The following PRKCH variants were observed in gnomAD, a reference collection of about 807,000 sequenced individuals.
The protein encoded by PRKCH is protein kinase C eta type.
In PRKCH, 28 loss-of-function variants were observed where a neutral mutation model predicts 82.5. That is an observed-to-expected ratio of 0.34 (90% CI 0.25 to 0.47). The LOEUF (loss-of-function observed/expected upper bound fraction) is 0.47, where lower values mean the gene tolerates loss of function less well. Ranked by LOEUF, PRKCH falls within the 20% of genes least tolerant of loss-of-function variation. PRKCH has a pLI of 1.00. For synonymous variants in PRKCH, 322 were observed against 327.4 expected (o/e 0.98, Z 0.18); for missense variants, 705 against 881.8 (o/e 0.80, Z 2.54).
At chr14:61,398,057 C>G (rs1349281880) in intron 2 of PRKCH, among the ~76,000 whole-genome samples, 1 of 152,168 alleles carries the variant, frequency 6.6e-6, no homozygotes, top group African/African-American at 2.4e-5. Context: ...GCAGAATTCC[C>G]CTAGGCACTG....
intron 1 of PRKCH, among the ~76,000 whole-genome samples, chr14:61,381,753 C>T (rs374343725): frequency 6.6e-6 from 1 of 152,234 alleles, no homozygotes; most frequent in East Asian, 1.9e-4. Context: ...GGCGAGAGCA[C>T]CCTCAGGTGC....
chr14:61,424,494 T>C (rs1234489863), intron 2 of PRKCH, among the ~76,000 whole-genome samples: 1 of 152,234 alleles, frequency 6.6e-6, no homozygotes, highest in Non-Finnish European at 1.5e-5. Context: ...TGACTCTTGC[T>C]ATGCTTTAGC....
At chr14:61,377,036 A>C (rs1343490874) in intron 1 of PRKCH, among the ~76,000 whole-genome samples, 1 of 152,232 alleles carries the variant, frequency 6.6e-6, no homozygotes, top group African/African-American at 2.4e-5. Flanking sequence ...CCTTTCCAAC[A>C]GAATTGCTAA....
chr14:61,424,283 A>G (rs1883000850), intron 2 of PRKCH, among the ~76,000 whole-genome samples: 1 of 152,236 alleles, frequency 6.6e-6, no homozygotes, highest in Non-Finnish European at 1.5e-5. Context: ...TATGGAAGCA[A>G]CTTTGGAGCT....
At chr14:61,342,462 A>G (rs2045940925) in intron 1 of PRKCH, among the ~76,000 whole-genome samples, 1 of 152,182 alleles carries the variant, frequency 6.6e-6, no homozygotes, top group South Asian at 2.1e-4. Flanking sequence ...ATGGATTTTT[A>G]TCTGCATATA....
At chr14:61,536,452 G>A (rs1236942308) in intron 12 of PRKCH, among the ~76,000 whole-genome samples, 5 of 152,124 alleles carry the variant, frequency 3.3e-5, no homozygotes, top group Non-Finnish European at 7.3e-5. Flanking sequence ...GAGGCAGGAA[G>A]AGCTGAGATC....
Position 61,234,551 on chromosome 14 carries a change from T to C in PRKCH, c.-19+46883T>C, listed in dbSNP as rs180683643. Among the ~76,000 whole-genome samples, 3 of 152,302 alleles carry C rather than the reference T, an allele frequency of 2.0e-5. 1 individual carries two copies. In the East Asian group the frequency reaches 5.8e-4, roughly 29 times the overall value. On this transcript the variant is annotated intron_variant, in intron 1 of 3. Transcript: ENST00000555185. ...GGTGTGCAAGCCAGCCCTTCCTGCA[T>C]TTATCTCTCCCATCTTAGACAACCA...
chr14:61,389,321 G>T (rs1414982015), intron 1 of PRKCH, among the ~76,000 whole-genome samples: 1 of 151,536 alleles, frequency 6.6e-6, no homozygotes, highest in Non-Finnish European at 1.5e-5. Context: ...TTGAAGTCCA[G>T]CCTGGGTGAC....
At chr14:61,518,063 A>C (rs970490354) in intron 10 of PRKCH, among the ~76,000 whole-genome samples, 1 of 152,086 alleles carries the variant, frequency 6.6e-6, no homozygotes, top group Non-Finnish European at 1.5e-5. Context: ...TGGGGAAGAG[A>C]CTTGGCTTGT....
chr14:61,330,602 C>G (rs1330667466), intron 1 of PRKCH, among the ~76,000 whole-genome samples: 2 of 152,194 alleles, frequency 1.3e-5, no homozygotes, highest in African/African-American at 4.8e-5. Context: ...AGCCTGATAG[C>G]TCTTAGGCCT....
At chr14:61,263,805 C>T (rs370731343) in intron 1 of PRKCH, among the ~76,000 whole-genome samples, 74 of 150,466 alleles carry the variant, frequency 4.9e-4, no homozygotes, top group African/African-American at 1.5e-3. Flanking sequence ...TTAGAATATA[C>T]GAGCAGGTAA....
chr14:61,193,789 A>T (rs1256278949), intron 1 of PRKCH, among the ~76,000 whole-genome samples: 2 of 152,226 alleles, frequency 1.3e-5, no homozygotes, highest in Non-Finnish European at 2.9e-5. Context: ...CAGAGAATCC[A>T]TATTCAGGGG....
chr14:61,339,046 T>G (rs1041804428), intron 1 of PRKCH, among the ~76,000 whole-genome samples: 1 of 152,120 alleles, frequency 6.6e-6, no homozygotes, highest in African/African-American at 2.4e-5. Context: ...CTGAGAGAAT[T>G]GGAAGAGATG....
chr14:61,487,251 G>A (rs890777732), intron 10 of PRKCH, among the ~76,000 whole-genome samples: 2 of 152,202 alleles, frequency 1.3e-5, no homozygotes, highest in Non-Finnish European at 2.9e-5. Context: ...CAGGAGGGAA[G>A]AGGGTGCAGA....
chr14:61,282,289 A>T (rs1210974397), intron 1 of PRKCH, among the ~76,000 whole-genome samples: 32 of 143,456 alleles, frequency 2.2e-4, no homozygotes, highest in South Asian at 6.7e-4. Context: ...TTTTTTTTTT[A>T]AATCTAGGTT....
upstream of PRKCH, among the ~76,000 whole-genome samples, chr14:61,319,942 G>T (rs141312961): frequency 6.6e-6 from 1 of 152,160 alleles, no homozygotes; most frequent in East Asian, 1.9e-4. Flanking sequence ...CTGTTATTAC[G>T]GGTCAGGCCT....
chr14:61,238,096 C>G (rs1396429908), intron 1 of PRKCH, among the ~76,000 whole-genome samples: 1 of 152,226 alleles, frequency 6.6e-6, no homozygotes, highest in Non-Finnish European at 1.5e-5. Context: ...ATGGAGAAAC[C>G]TTTAGGCCAA....
At chr14:61,398,577 T>C (rs2046818832) in intron 2 of PRKCH, among the ~76,000 whole-genome samples, 1 of 152,176 alleles carries the variant, frequency 6.6e-6, no homozygotes. Flanking sequence ...CCAGACATGA[T>C]GTGTCTCCTG....
At chr14:61,255,933 T>C (rs1402283070) in intron 1 of PRKCH, among the ~76,000 whole-genome samples, 1 of 152,192 alleles carries the variant, frequency 6.6e-6, no homozygotes, top group South Asian at 2.1e-4. Flanking sequence ...AAATTTTTAA[T>C]GTTAAAAAAT....
Sources: gnomAD v4.1 joint callset for allele counts (sites outside exome capture counted in the v4.1 genomes callset) on GRCh38, gnomAD v4.1.1 for gene constraint, MANE v1.5 for transcripts, NCBI Gene and HGNC (gene_info 2026-07-23, HGNC 2026-07-21) for gene names.